The following MSI2 variants were observed in gnomAD, a reference collection of about 807,000 sequenced individuals.
MSI2 encodes the protein RNA-binding protein Musashi homolog 2.
MSI2 carries 17 observed loss-of-function variants against 45.6 expected under a neutral mutation model. That is an observed-to-expected ratio of 0.37 (90% CI 0.26 to 0.56). MSI2 has a LOEUF of 0.56. Ranked by LOEUF, MSI2 falls within the 20% of genes least tolerant of loss-of-function variation. The probability of loss-of-function intolerance (pLI) is 0.77; values close to 1 mark genes in which losing one functional copy is unlikely to be tolerated. For missense variants in MSI2, 293 were observed against 444.2 expected, an observed-to-expected ratio of 0.66 and a Z score of 3.06; for synonymous variants, 156 against 158.2, an observed-to-expected ratio of 0.99 and a Z score of 0.11.
intron 5 of MSI2, among the ~76,000 whole-genome samples, chr17:57,377,871 C>G (rs1463602907): frequency 6.6e-6 from 1 of 152,024 alleles, no homozygotes; most frequent in East Asian, 1.9e-4. Flanking sequence ...GTCAGGAGAT[C>G]AAGACCATCC....
chr17:57,470,153 G>A (rs905397359), intron 6 of MSI2, among the ~76,000 whole-genome samples: 3 of 152,118 alleles, frequency 2.0e-5, no homozygotes, highest in Admixed American at 6.5e-5. Context: ...CCTCTGTATT[G>A]TAACCCTGAT....
At position 57,429,885 on chromosome 17, in the gene MSI2, A is replaced by T. The variant is rs922746706; in HGVS notation, c.405+28414A>T. Among the ~76,000 whole-genome samples the T allele has an allele frequency of 6.6e-5, 10 of 152,196 alleles. No individual in the cohort carries two copies. In the South Asian group the frequency reaches 2.1e-3, roughly 32 times the overall value. The stretch of plus-strand genomic sequence containing the variant: ...ACTGGTGATGAACGTGGACACTGGG[A>T]GCAGGCAGGCCTGGCTGCCATTCTT... On this transcript the variant is annotated intron_variant, in intron 6 of 13. Coordinates refer to ENST00000284073, the MANE Select transcript of MSI2 (RefSeq NM_138962.4).
intron 7 of MSI2, among the ~76,000 whole-genome samples, chr17:57,588,375 A>G (rs1904513248): frequency 6.6e-6 from 1 of 152,138 alleles, no homozygotes. Flanking sequence ...CCCTCCCTCC[A>G]GGGCAGCTGA....
rs541259251 is a variant in MSI2, at chr17:57,519,963, G to A, written c.406-9713G>A. Among the ~76,000 whole-genome samples, 12 of 152,160 alleles carry A rather than the reference G, an allele frequency of 7.9e-5. No individual in the cohort carries two copies. In the East Asian group the frequency reaches 1.4e-3, roughly 17 times the overall value. On this transcript the variant is annotated intron_variant, in intron 6 of 13. Transcript: ENST00000284073. ...CCCAAGCTACTCAGGAGGCTGAGTC[G>A]GGAGGATCGCTGGAGCCCAGGAGTT...
chr17:57,449,982 C>T (rs1328772694), intron 6 of MSI2: 1 of 152,112 alleles, frequency 6.6e-6, no homozygotes, highest in Non-Finnish European at 1.5e-5. Context: ...GCCTAGATAA[C>T]ACCACTGCAC....
At chr17:57,586,223 C>T (rs991979010) in intron 7 of MSI2, among the ~76,000 whole-genome samples, 2 of 152,186 alleles carry the variant, frequency 1.3e-5, no homozygotes, top group African/African-American at 4.8e-5. Context: ...TGCTTTTTCC[C>T]ACTCAGTTAA....
rs1908912566 is a variant in MSI2, at chr17:57,627,434, T to C, written c.727+131T>C. On this transcript the variant is annotated intron_variant, in intron 10 of 13. Coordinates refer to ENST00000284073, the MANE Select transcript of MSI2 (RefSeq NM_138962.4). The surrounding 1 kb of genome is among the most constrained non-coding windows in gnomAD (Gnocchi z 4.6). ...TTGAAAATGACCTATACATGATAAA[T>C]TTCAAATCCACTGAAGTTCAAGGCC... 7 of 825,874 alleles carry C rather than the reference T, an allele frequency of 8.5e-6. No homozygotes were observed. The highest frequency in any genetic ancestry group is 1.4e-5 in the Non-Finnish European group (7 of 492,102). The allele number at this position is 825,874 out of a possible 1,614,324, so 51.2% of individuals were successfully genotyped here. A position where few individuals can be genotyped will look rare whatever the true frequency, so the allele number is the denominator to read the frequency against.
chr17:57,507,752 C>A (rs1339189823), intron 6 of MSI2, among the ~76,000 whole-genome samples: 1 of 151,920 alleles, frequency 6.6e-6, no homozygotes, highest in Non-Finnish European at 1.5e-5. Context: ...GGGATGATGA[C>A]CATATGACGT....
At chr17:57,608,561 C>G (rs1444836224) in intron 8 of MSI2, 3 of 152,542 alleles carry the variant, frequency 2.0e-5, no homozygotes, top group Non-Finnish European at 2.9e-5. Flanking sequence ...TGCCAGCTTC[C>G]TGGGTGTAAG....
chr17:57,560,310 G>A (rs377659777), intron 7 of MSI2, among the ~76,000 whole-genome samples: 4 of 152,166 alleles, frequency 2.6e-5, no homozygotes, highest in South Asian at 2.1e-4. Context: ...GTTTGGAGGC[G>A]CTAAGCCCCT....
At chr17:57,660,926 T>A (rs1911946278) in intron 11 of MSI2, among the ~76,000 whole-genome samples, 1 of 152,120 alleles carries the variant, frequency 6.6e-6, no homozygotes, top group Non-Finnish European at 1.5e-5. Context: ...GCCTGTGAGA[T>A]CATGGGAGGC....
chr17:57,288,325 G>A (rs1035179500), intron 5 of MSI2, among the ~76,000 whole-genome samples: 2 of 152,042 alleles, frequency 1.3e-5, no homozygotes, highest in Admixed American at 6.5e-5. Flanking sequence ...GGAGGAGGTC[G>A]TGCAGTTACC....
At position 57,627,362 on chromosome 17, in the gene MSI2, G is replaced by A. The variant is rs756374166; in HGVS notation, c.727+59G>A. 2 of 1,420,138 alleles carry A rather than the reference G, an allele frequency of 1.4e-6. No individual in the cohort carries two copies. Among genetic ancestry groups the A allele is most frequent in the African/African-American group, 1.4e-5 (1 of 70,920 alleles). 88.0% of individuals were successfully genotyped at this position (1,420,138 alleles called of 1,614,324 possible). Reference sequence around the variant, plus strand: ...ACAAGAGGTGGGCTGCATTTGCGGGGAGGTGAGAGGACCCCTAAAGAGAAT... The same window carrying A: ...ACAAGAGGTGGGCTGCATTTGCGGGAAGGTGAGAGGACCCCTAAAGAGAAT... On this transcript the variant is annotated intron_variant, in intron 10 of 13. Transcript: ENST00000284073. The surrounding 1 kb of genome is among the most constrained non-coding windows in gnomAD (Gnocchi z 4.6).
intron 5 of MSI2, among the ~76,000 whole-genome samples, chr17:57,331,201 A>G (rs868718002): frequency 2.6e-5 from 4 of 152,228 alleles, no homozygotes; most frequent in Admixed American, 6.5e-5. Context: ...GGCGTGAGCC[A>G]CTGCGCCTGG....
rs146083299 is a variant in MSI2 at position 57,650,767 on chromosome 17, C to T, written c.728-1332C>T. Reference sequence around the variant, plus strand: ...TGAACTTCTTTCCCTTCAGTAGTACCGTGTAGCTAGGACAATAGTCTTAGT... The same window carrying T: ...TGAACTTCTTTCCCTTCAGTAGTACTGTGTAGCTAGGACAATAGTCTTAGT... On this transcript the variant is annotated intron_variant, in intron 10 of 13. Transcript: ENST00000284073. 3.9e-3 allele frequency among the ~76,000 whole-genome samples: 600 copies of T among 152,212 alleles called. 26 individuals carry two copies. In the South Asian group the frequency reaches 0.093, roughly 24 times the overall value.
chr17:57,291,119 C>T (rs1416609934), intron 5 of MSI2, among the ~76,000 whole-genome samples: 1 of 152,146 alleles, frequency 6.6e-6, no homozygotes, highest in Non-Finnish European at 1.5e-5. Flanking sequence ...ATTCTGCCGG[C>T]GAGAGCTGTG....
chr17:57,476,602 G>A (rs2085541979), intron 6 of MSI2, among the ~76,000 whole-genome samples: 1 of 152,194 alleles, frequency 6.6e-6, no homozygotes, highest in Non-Finnish European at 1.5e-5. Flanking sequence ...TCTGTGCAGT[G>A]ATTCAAGGAT....
chr17:57,268,009 C>T (rs1475683632), intron 5 of MSI2: 6 of 152,302 alleles, frequency 3.9e-5, no homozygotes, highest in African/African-American at 4.8e-5. Context: ...ATCTTTTCCA[C>T]GAAGCTGTCC....
intron 5 of MSI2, among the ~76,000 whole-genome samples, chr17:57,314,173 T>C (rs1388625972): frequency 6.6e-6 from 1 of 152,128 alleles, no homozygotes; most frequent in Non-Finnish European, 1.5e-5. Context: ...CATGTATAAA[T>C]TGTGCCCAGA....
Sources: gnomAD v4.1 joint callset for allele counts (sites outside exome capture counted in the v4.1 genomes callset) on GRCh38, gnomAD v4.1.1 for gene constraint, Gnocchi (gnomAD v3.1) non-coding constraint, MANE v1.5 for transcripts, NCBI Gene and HGNC (gene_info 2026-07-23, HGNC 2026-07-21) for gene names.